Variants in DYNC1I1 observed in about 807,000 individuals in gnomAD.
The protein encoded by DYNC1I1 is dynein cytoplasmic 1 intermediate chain 1, also known as cytoplasmic dynein 1 intermediate chain 1.
A neutral mutation model predicts 86.6 loss-of-function variants in DYNC1I1; 43 were observed. That is an observed-to-expected ratio of 0.50 (90% confidence interval 0.39 to 0.64). The LOEUF (loss-of-function observed/expected upper bound fraction) is 0.64. Ranked by LOEUF, DYNC1I1 falls within the 30% of genes least tolerant of loss-of-function variation. The probability of loss-of-function intolerance (pLI) is 0.00; values close to 1 mark genes in which losing one functional copy is unlikely to be tolerated. For missense variants in DYNC1I1, 604 were observed against 788.8 expected, an observed-to-expected ratio of 0.77 and a Z score of 2.81; for synonymous variants, 262 against 283.7, an observed-to-expected ratio of 0.92 and a Z score of 0.77.
chr7:95,857,747 A>C (rs1789763997), intron 5 of DYNC1I1, among the ~76,000 whole-genome samples: 1 of 152,210 alleles, frequency 6.6e-6, no homozygotes, highest in Non-Finnish European at 1.5e-5. Context: ...TCACTCTGAC[A>C]AGTAATTTTC....
At chr7:96,022,491 G>A (rs1434261055) in intron 10 of DYNC1I1, among the ~76,000 whole-genome samples, 5 of 152,084 alleles carry the variant, frequency 3.3e-5, no homozygotes, top group African/African-American at 1.2e-4. Context: ...TTTGATTGAT[G>A]TTTACTCCTC....
chr7:95,794,697 TAC>T (rs1794392798), intron 1 of DYNC1I1, among the ~76,000 whole-genome samples: 1 of 152,204 alleles, frequency 6.6e-6, no homozygotes, highest in Non-Finnish European at 1.5e-5. Flanking sequence ...ATGCTCAAGT[TAC>T]AGTTAAAGTA....
At chr7:95,919,250 CATA>C (rs1222937092) in intron 6 of DYNC1I1, among the ~76,000 whole-genome samples, 2 of 152,066 alleles carry the variant, frequency 1.3e-5, no homozygotes, top group African/African-American at 2.4e-5. Flanking sequence ...AAAAACTAGA[CATA>C]ATATTTTGTT....
intron 6 of DYNC1I1, among the ~76,000 whole-genome samples, chr7:95,911,963 C>T (rs60381957): frequency 1.3e-4 from 20 of 152,182 alleles, no homozygotes; most frequent in African/African-American, 4.6e-4. Flanking sequence ...AATTCCCAAG[C>T]ACTCAAATTT....
intron 10 of DYNC1I1, among the ~76,000 whole-genome samples, chr7:96,025,195 G>A (rs1794647552): frequency 6.6e-6 from 1 of 152,118 alleles, no homozygotes; most frequent in Non-Finnish European, 1.5e-5. Flanking sequence ...TTACATCTAA[G>A]CAATTGAAAT....
intron 16 of DYNC1I1, chr7:96,109,954 C>CT (rs200648954): frequency 7.0e-5 from 20 of 285,890 alleles, no homozygotes; most frequent in South Asian, 1.2e-4. Context: ...TTCTGCCTAC[C>CT]TTTTTTTTCT....
At chr7:96,032,312 T>C (rs1316034513) in intron 11 of DYNC1I1, among the ~76,000 whole-genome samples, 1 of 152,166 alleles carries the variant, frequency 6.6e-6, no homozygotes, top group Non-Finnish European at 1.5e-5. Flanking sequence ...ATCACTCTTG[T>C]TGAGCTTAGA....
chr7:96,110,195 C>A, downstream of DYNC1I1: 1 of 329,970 alleles, frequency 3.0e-6, no homozygotes, highest in South Asian at 2.3e-5. Context: ...TTTTCTGTAT[C>A]CAAAGCTTTG....
Position 95,843,429 on chromosome 7 carries a change from A to C in DYNC1I1, c.374+15313A>C, listed in dbSNP as rs78201605. Among the ~76,000 whole-genome samples the C allele has an allele frequency of 3.8e-3, 572 of 152,236 alleles. 4 individuals carry two copies. The highest frequency in any genetic ancestry group is 0.013 in the African/African-American group (541 of 41,538). On this transcript the variant is annotated intron_variant, in intron 5 of 16. Transcript: ENST00000447467. ...TACACCATGGCCTGGAAACTCTCTC[A>C]ATGCTGTAACTTGGGGCAGTTGTAG...
chr7:96,077,928 T>C (rs1790392711), intron 15 of DYNC1I1, among the ~76,000 whole-genome samples: 1 of 152,212 alleles, frequency 6.6e-6, no homozygotes, highest in African/African-American at 2.4e-5. Context: ...TTTTTAAAAA[T>C]CATTATTGGT....
chr7:95,881,254 A>G (rs1029826391), intron 6 of DYNC1I1, among the ~76,000 whole-genome samples: 8 of 152,172 alleles, frequency 5.3e-5, no homozygotes, highest in African/African-American at 1.9e-4. Context: ...AATCCTTCCA[A>G]TTCTCTATGA....
At chr7:96,056,285 T>C (rs1037895494) in intron 14 of DYNC1I1, 1 of 152,174 alleles carries the variant, frequency 6.6e-6, no homozygotes, top group Non-Finnish European at 1.5e-5. Flanking sequence ...ATGAAGTGTG[T>C]TTGTGTCTAT....
rs564686262 is a variant in DYNC1I1, at chr7:95,995,416, A to G, written c.844-532A>G. Among the ~76,000 whole-genome samples, 3 of 152,336 alleles carry G rather than the reference A, an allele frequency of 2.0e-5. No homozygotes were observed. The East Asian group carries it at 5.8e-4, about 29-fold the overall frequency. ...TCTATGTGTTACAATTGATGGGTCT[A>G]TGGACAGCCCTGAGAAATCCCCAGT... On this transcript the variant is annotated intron_variant, in intron 9 of 16. Coordinates refer to ENST00000447467, the MANE Select transcript of DYNC1I1 (RefSeq NM_001135556.2).
At chr7:96,085,868 C>T (rs1249315410) in intron 16 of DYNC1I1, among the ~76,000 whole-genome samples, 1 of 152,060 alleles carries the variant, frequency 6.6e-6, no homozygotes, top group African/African-American at 2.4e-5. Flanking sequence ...TTAAATGAAA[C>T]ATGGGTAGGA....
At chr7:96,072,242 G>A (rs1790190875) in intron 14 of DYNC1I1, among the ~76,000 whole-genome samples, 1 of 152,114 alleles carries the variant, frequency 6.6e-6, no homozygotes, top group South Asian at 2.1e-4. Flanking sequence ...AATCAAGCTG[G>A]GCTGTGCCTG....
At chr7:95,911,967 C>G (rs976605725) in intron 6 of DYNC1I1, among the ~76,000 whole-genome samples, 2 of 152,174 alleles carry the variant, frequency 1.3e-5, no homozygotes, top group East Asian at 3.9e-4. Context: ...CCCAAGCACT[C>G]AAATTTGTGA....
At chr7:95,917,397 A>G (rs1000500286) in intron 6 of DYNC1I1, among the ~76,000 whole-genome samples, 1 of 152,166 alleles carries the variant, frequency 6.6e-6, no homozygotes, top group African/African-American at 2.4e-5. Context: ...ACAGTCCCTC[A>G]ATATTTATAA....
chr7:95,903,736 A>G (rs532889797), intron 6 of DYNC1I1, among the ~76,000 whole-genome samples: 56 of 152,324 alleles, frequency 3.7e-4, no homozygotes, highest in African/African-American at 1.2e-3. Flanking sequence ...GGAAAGTTCA[A>G]TCATTCCTCT....
intron 14 of DYNC1I1, among the ~76,000 whole-genome samples, chr7:96,069,547 T>C (rs1790100563): frequency 1.3e-5 from 2 of 152,206 alleles, no homozygotes; most frequent in African/African-American, 4.8e-5. Context: ...AATGGTTCTA[T>C]ATAGATTTGT....
Sources: gnomAD v4.1 joint callset for allele counts (sites outside exome capture counted in the v4.1 genomes callset) on GRCh38, gnomAD v4.1.1 for gene constraint, MANE v1.5 for transcripts, NCBI Gene and HGNC (gene_info 2026-07-23, HGNC 2026-07-21) for gene names.